Variants in TANK observed in about 807,000 individuals in gnomAD.
TANK encodes TRAF family member-associated NF-kappa-B activator.
TANK carries 15 observed loss-of-function variants against 43.6 expected under a neutral mutation model. The observed-to-expected ratio is 0.34, with a 90% CI of 0.23 to 0.53. TANK has a LOEUF of 0.53. Among genes scored for constraint, TANK ranks in the 20% least tolerant of loss-of-function variants. TANK has a pLI of 0.94. For missense variants in TANK, 417 were observed against 498.6 expected, an observed-to-expected ratio of 0.84 and a Z score of 1.56; for synonymous variants, 162 against 178.2, an observed-to-expected ratio of 0.91 and a Z score of 0.73.
At chr2:161,230,827 G>T in intron 6 of TANK, 144 bp from the exon 7 acceptor site, 1 of 666,648 alleles carries the variant, frequency 1.5e-6, no homozygotes, top group Non-Finnish European at 2.6e-6. Context: ...GTGTAAGATG[G>T]TAGCAAATTT....
intron 1 of TANK, chr2:161,160,935 GT>G (rs1684399611): frequency 2.4e-6 from 1 of 423,780 alleles, no homozygotes; most frequent in Non-Finnish European, 4.7e-6. Context: ...GGTTCTTTCT[GT>G]TGTTTTCCCA....
chr2:161,137,005 CTG>C (rs780550730), exon 1 of TANK: 2 of 985,410 alleles, frequency 2.0e-6, no homozygotes, highest in East Asian at 2.3e-4. Context: ...AACTGTGTAA[CTG>C]TCTTCATCTT....
At chr2:161,186,934 A>T (rs920384276) in intron 2 of TANK, among the ~76,000 whole-genome samples, 7 of 152,234 alleles carry the variant, frequency 4.6e-5, no homozygotes, top group Non-Finnish European at 8.8e-5. Context: ...CATACTAATC[A>T]TTAGGAAAAT....
intron 2 of TANK, among the ~76,000 whole-genome samples, chr2:161,187,185 G>T (rs1685700184): frequency 6.6e-6 from 1 of 152,082 alleles, no homozygotes; most frequent in African/African-American, 2.4e-5. Flanking sequence ...CATCACTTTG[G>T]GAGGCTGAGG....
Position 161,236,175 on chromosome 2 carries a change from T to TA in TANK, c.*658dup, listed in dbSNP as rs1264228467. On this transcript the variant is annotated 3_prime_UTR_variant, in exon 8 of 8. Transcript: ENST00000392749. ...AATTAATTAAATATTAAGAGGTACT[T>TA]ATGTTGTGATCATTTGTATGTCCTT... 4 of 150,482 alleles carry TA rather than the reference T, an allele frequency of 2.7e-5. No homozygotes were observed. The allele number at this position is 150,482 out of a possible 1,614,324, so 9.3% of individuals were successfully genotyped here. A position where few individuals can be genotyped will look rare whatever the true frequency, so the allele number is the denominator to read the frequency against.
At chr2:161,156,053 C>CA, upstream of TANK, 1 of 982,670 alleles carries the variant, frequency 1.0e-6, no homozygotes, top group Non-Finnish European at 1.2e-6. Flanking sequence ...TTCATTTTTA[C>CA]AAAGTATTGT....
intron 3 of TANK, among the ~76,000 whole-genome samples, chr2:161,204,248 T>A (rs919659250): frequency 6.6e-6 from 1 of 152,192 alleles, no homozygotes; most frequent in Admixed American, 6.5e-5. Context: ...TCACAGGTGA[T>A]AAAAATTTGG....
At chr2:161,194,284 TGAGAA>T (rs748415522) in intron 2 of TANK, among the ~76,000 whole-genome samples, 2 of 152,032 alleles carry the variant, frequency 1.3e-5, no homozygotes, top group Admixed American at 6.6e-5. Context: ...ATCTCTTTGT[TGAGAA>T]GAGAAATTTG....
chr2:161,178,366 A>G (rs1461021730), intron 1 of TANK, among the ~76,000 whole-genome samples: 1 of 152,098 alleles, frequency 6.6e-6, no homozygotes, highest in Non-Finnish European at 1.5e-5. Context: ...TCATGGATGA[A>G]CCTCAGAAAT....
At chr2:161,207,683 G>A (rs908998501) in intron 4 of TANK, 7 of 985,244 alleles carry the variant, frequency 7.1e-6, no homozygotes, top group Non-Finnish European at 7.2e-6. Context: ...ATTGGCCTAT[G>A]TGTTGATCTA....
chr2:161,235,225 A>T, intron 7 of TANK, 117 bp from the exon 8 acceptor site: 1 of 871,856 alleles, frequency 1.1e-6, no homozygotes, highest in South Asian at 2.3e-5. Flanking sequence ...ATTTGCTTTT[A>T]TATTAGGGAA....
chr2:161,153,724 A>T (rs973695632), intron 1 of TANK, among the ~76,000 whole-genome samples: 1 of 149,874 alleles, frequency 6.7e-6, no homozygotes, highest in African/African-American at 2.4e-5. Context: ...AACTGCATGT[A>T]GAACCACCTA....
chr2:161,232,392 A>G (rs1384030523), intron 7 of TANK, among the ~76,000 whole-genome samples: 2 of 152,198 alleles, frequency 1.3e-5, no homozygotes, highest in African/African-American at 4.8e-5. Context: ...TGAGATATTT[A>G]ATTTTTTTAA....
At position 161,225,690 on chromosome 2, in the gene TANK, T is replaced by C. The variant is rs139701452; in HGVS notation, c.520+944T>C. ...TATTCTGCAGACAATTCCCAAAGGA[T>C]GTGATTTACAGTTTTCACTCTGAGA... On this transcript the variant is annotated intron_variant, in intron 6 of 7. Transcript: ENST00000392749. Among the ~76,000 whole-genome samples the C allele has an allele frequency of 8.8e-4, 134 of 152,326 alleles. 1 individual carries two copies. The highest frequency in any genetic ancestry group is 2.8e-3 in the African/African-American group (118 of 41,580).
chr2:161,169,801 C>G (rs578012021), intron 1 of TANK, among the ~76,000 whole-genome samples: 1 of 152,296 alleles, frequency 6.6e-6, no homozygotes, highest in South Asian at 2.1e-4. Context: ...CTTCCATTTT[C>G]TAATTCTGTG....
At chr2:161,189,107 C>G (rs576199139) in intron 2 of TANK, among the ~76,000 whole-genome samples, 2 of 152,218 alleles carry the variant, frequency 1.3e-5, no homozygotes, top group African/African-American at 2.4e-5. Context: ...ACAAAACAGA[C>G]TAAGACAATA....
At chr2:161,208,839 C>G (rs2105354099) in intron 4 of TANK, among the ~76,000 whole-genome samples, 2 of 152,334 alleles carry the variant, frequency 1.3e-5, no homozygotes, top group South Asian at 4.1e-4. Flanking sequence ...CACATTCCTT[C>G]ACTTCCACTT....
At chr2:161,216,383 C>T (rs938618593) in intron 4 of TANK, 4 of 468,838 alleles carry the variant, frequency 8.5e-6, no homozygotes, top group African/African-American at 8.0e-5. Context: ...TTTACCTGTG[C>T]TGCAGCCTGA....
chr2:161,180,895 G>A (rs538949063), intron 2 of TANK, among the ~76,000 whole-genome samples: 1 of 148,626 alleles, frequency 6.7e-6, no homozygotes, highest in East Asian at 2.0e-4. Flanking sequence ...TAGTTTCAGA[G>A]TTCAGGGTTT....
Sources: allele counts gnomAD v4.1 joint callset (sites outside exome capture counted in the v4.1 genomes callset), GRCh38; gene constraint gnomAD v4.1.1; transcripts MANE v1.5; gene names NCBI Gene and HGNC (gene_info 2026-07-23, HGNC 2026-07-21).